Variants in DPP10 observed in about 807,000 individuals in gnomAD.
DPP10 encodes the protein dipeptidyl peptidase like 10.
DPP10 carries 33 observed loss-of-function variants against 120.9 expected under a neutral mutation model. That is an observed-to-expected ratio of 0.27 (90% CI 0.21 to 0.37). DPP10 has a LOEUF of 0.37. DPP10 is among the 10% of genes least tolerant of loss of function. DPP10 has a pLI of 1.00. For synonymous variants in DPP10, 337 were observed against 326.1 expected (o/e 1.03, Z -0.36); for missense variants, 816 against 942.8 (o/e 0.87, Z 1.76).
intron 1 of DPP10, among the ~76,000 whole-genome samples, chr2:115,143,766 A>G (rs936072033): frequency 2.0e-5 from 3 of 152,152 alleles, no homozygotes; most frequent in Admixed American, 2.0e-4. Context: ...TAAGTACCAC[A>G]TTGGAGAAAT....
chr2:115,325,006 A>G (rs1285317782), intron 2 of DPP10, among the ~76,000 whole-genome samples: 1 of 152,128 alleles, frequency 6.6e-6, no homozygotes, highest in African/African-American at 2.4e-5. Context: ...GTCATGGTTC[A>G]TGGCTCCCCA....
At chr2:115,216,273 A>G (rs969155924) in intron 1 of DPP10, among the ~76,000 whole-genome samples, 8 of 152,278 alleles carry the variant, frequency 5.3e-5, no homozygotes, top group Admixed American at 2.0e-4. Context: ...CCCGGTAACA[A>G]AACTGCGCTG....
chr2:115,049,416 C>T (rs1475541498), intron 1 of DPP10, among the ~76,000 whole-genome samples: 3 of 152,202 alleles, frequency 2.0e-5, no homozygotes, highest in Middle Eastern at 6.8e-3. Context: ...TGTTTTACTA[C>T]CAAAACGATC....
At chr2:115,315,276 T>TACACACACACACAC (rs138469343) in intron 2 of DPP10, among the ~76,000 whole-genome samples, 13 of 147,896 alleles carry the variant, frequency 8.8e-5, no homozygotes, top group African/African-American at 3.0e-4. Flanking sequence ...CACACACACA[T>TACACACACACACAC]ACACACACAC....
chr2:115,558,216 T>C (rs916600517), intron 5 of DPP10, among the ~76,000 whole-genome samples: 1 of 152,118 alleles, frequency 6.6e-6, no homozygotes, highest in African/African-American at 2.4e-5. Context: ...CATGCAACTA[T>C]TGGTCAGCCG....
intron 1 of DPP10, among the ~76,000 whole-genome samples, chr2:115,099,914 T>A (rs911093062): frequency 2.6e-5 from 4 of 152,228 alleles, no homozygotes; most frequent in African/African-American, 4.8e-5. Flanking sequence ...CTTGGTTCAA[T>A]AAGATCTAAC....
At chr2:114,822,268 C>A (rs892153404) in intron 1 of DPP10, among the ~76,000 whole-genome samples, 1 of 152,208 alleles carries the variant, frequency 6.6e-6, no homozygotes, top group Non-Finnish European at 1.5e-5. Context: ...AGGTGCCAAA[C>A]CTTGAGGCTT....
intron 1 of DPP10, among the ~76,000 whole-genome samples, chr2:114,909,136 G>A (rs200523378): frequency 1.1e-3 from 167 of 151,608 alleles, no homozygotes; most frequent in African/African-American, 3.7e-3. Flanking sequence ...CTATATTATC[G>A]TTAGGCAGAC....
At chr2:115,172,409 G>C (rs2053419026) in intron 1 of DPP10, among the ~76,000 whole-genome samples, 1 of 151,430 alleles carries the variant, frequency 6.6e-6, no homozygotes. Flanking sequence ...GCTATTTCCA[G>C]AAGCTGATTA....
At chr2:115,120,258 A>G (rs1320303267) in intron 1 of DPP10, among the ~76,000 whole-genome samples, 1 of 152,164 alleles carries the variant, frequency 6.6e-6, no homozygotes, top group Admixed American at 6.5e-5. Context: ...AAGTCCTATG[A>G]GAAGGGGGGT....
At chr2:114,703,213 T>G (rs1451684773) in intron 1 of DPP10, among the ~76,000 whole-genome samples, 2 of 152,042 alleles carry the variant, frequency 1.3e-5, no homozygotes, top group African/African-American at 4.8e-5. Context: ...GAAGCATTCT[T>G]TTTCAAAAAA....
chr2:115,624,062 C>G (rs4508605), intron 5 of DPP10, among the ~76,000 whole-genome samples: 150,268 of 152,188 alleles, frequency 0.99, 74,221 homozygotes, highest in East Asian at 1. Flanking sequence ...CAATTCAAAG[C>G]GTCTTTGAAG....
intron 1 of DPP10, among the ~76,000 whole-genome samples, chr2:114,469,780 C>T (rs893859281): frequency 1.3e-5 from 2 of 152,034 alleles, no homozygotes; most frequent in African/African-American, 2.4e-5. Flanking sequence ...AATGGTTGAA[C>T]AGGAAATTGA....
chr2:115,493,243 T>C (rs1051454841), intron 3 of DPP10, among the ~76,000 whole-genome samples: 1 of 151,894 alleles, frequency 6.6e-6, no homozygotes, highest in African/African-American at 2.4e-5. Context: ...GGGTGAGTGG[T>C]CATAAAGAAC....
intron 5 of DPP10, among the ~76,000 whole-genome samples, chr2:115,554,700 T>C (rs962264305): frequency 3.9e-5 from 6 of 152,074 alleles, no homozygotes; most frequent in Non-Finnish European, 8.8e-5. Context: ...CATAAGTCTT[T>C]TAAAAATACA....
At chr2:115,540,156 T>A (rs964609255) in intron 5 of DPP10, among the ~76,000 whole-genome samples, 9 of 151,928 alleles carry the variant, frequency 5.9e-5, no homozygotes, top group Admixed American at 1.3e-4. Context: ...CAAGGCTTTA[T>A]GGTCAAAACA....
chr2:115,631,102 T>A, intron 5 of DPP10, among the ~76,000 whole-genome samples: 1 of 150,620 alleles, frequency 6.6e-6, no homozygotes, highest in Non-Finnish European at 1.5e-5. Context: ...ATTTCAGAAC[T>A]TGTTATTGGA....
chr2:115,808,562 T>C (rs899132966), intron 19 of DPP10, among the ~76,000 whole-genome samples: 3 of 152,184 alleles, frequency 2.0e-5, no homozygotes, highest in Admixed American at 6.5e-5. Context: ...CTCTACTGGG[T>C]AGATGCTATT....
intron 1 of DPP10, among the ~76,000 whole-genome samples, chr2:115,085,989 ACT>A (rs1553484969): frequency 6.6e-6 from 1 of 151,928 alleles, no homozygotes; most frequent in Non-Finnish European, 1.5e-5. Flanking sequence ...TTCCAATCTG[ACT>A]CTGGCATAAC....
Sources: allele counts gnomAD v4.1 joint callset (sites outside exome capture counted in the v4.1 genomes callset), GRCh38; gene constraint gnomAD v4.1.1; transcripts MANE v1.5; gene names NCBI Gene and HGNC (gene_info 2026-07-23, HGNC 2026-07-21).